DCDC1: variants seen among roughly 807,000 people sequenced by gnomAD.
DCDC1 encodes the protein doublecortin domain-containing protein 1.
A neutral mutation model predicts 178.3 loss-of-function variants in DCDC1; 200 were observed. The observed-to-expected ratio is 1.12, with a 90% CI of 1.00 to 1.26. The LOEUF is 1.26. DCDC1 is among the 50% of genes most tolerant of loss of function. The probability of loss-of-function intolerance (pLI) is 0.00; values close to 1 mark genes in which losing one functional copy is unlikely to be tolerated. For missense variants in DCDC1, 1,983 were observed against 1,749.2 expected, an observed-to-expected ratio of 1.13 and a Z score of -2.38; for synonymous variants, 690 against 604.8, an observed-to-expected ratio of 1.14 and a Z score of -2.07.
intron 21 of DCDC1, among the ~76,000 whole-genome samples, chr11:30,933,461 T>C (rs935589645): frequency 2.0e-5 from 3 of 152,192 alleles, no homozygotes; most frequent in African/African-American, 7.2e-5. Context: ...GTTAATTACA[T>C]TAATTTTTAA....
At chr11:31,219,174 A>T (rs1047017062) in intron 9 of DCDC1, among the ~76,000 whole-genome samples, 11 of 149,132 alleles carry the variant, frequency 7.4e-5, no homozygotes, top group South Asian at 2.1e-4. Flanking sequence ...ATTTACAGTT[A>T]AAAAAAAAAG....
At chr11:31,148,228 A>C (rs896567777) in intron 9 of DCDC1, among the ~76,000 whole-genome samples, 5 of 151,092 alleles carry the variant, frequency 3.3e-5, no homozygotes, top group Admixed American at 1.3e-4. Flanking sequence ...AAAAAAAAAA[A>C]AAAAAACAGG....
intron 20 of DCDC1, among the ~76,000 whole-genome samples, chr11:31,009,955 C>T (rs1342062652): frequency 2.6e-5 from 4 of 152,178 alleles, no homozygotes; most frequent in African/African-American, 9.7e-5. Flanking sequence ...CCATCAGATC[C>T]TGTGAGAACA....
In DCDC1 at chr11:31,300,454, G is replaced by T. The variant is rs928775151; in HGVS notation, c.754+5161C>A. ...ATTTTCAAATGATTTATCTTTATTA[G>T]AAATATCCAATAGGCATTTAAAGTA... On this transcript the variant is annotated intron_variant, in intron 6 of 38. Coordinates refer to ENST00000684477, the MANE Select transcript of DCDC1 (RefSeq NM_001387274.1). Among the ~76,000 whole-genome samples the T allele has an allele frequency of 9.9e-5, 15 of 152,166 alleles. 1 individual carries two copies. The highest frequency in any genetic ancestry group is 7.9e-4 in the Admixed American group (12 of 15,282).
At chr11:31,058,827 T>C (rs1245623893) in intron 20 of DCDC1, among the ~76,000 whole-genome samples, 1 of 152,108 alleles carries the variant, frequency 6.6e-6, no homozygotes, top group Non-Finnish European at 1.5e-5. Context: ...GCTTGCACTC[T>C]GGTCTCATCC....
chr11:30,892,308 A>G (rs1385458768), intron 36 of DCDC1, among the ~76,000 whole-genome samples: 3 of 152,138 alleles, frequency 2.0e-5, no homozygotes, highest in Non-Finnish European at 4.4e-5. Context: ...TAATAAGAAT[A>G]TGATAGGCTT....
chr11:31,156,122 G>C (rs1254318962), intron 9 of DCDC1: 1 of 151,944 alleles, frequency 6.6e-6, no homozygotes, highest in East Asian at 1.9e-4. Context: ...GCAAAAACAA[G>C]GATAAAATAT....
chr11:31,328,810 C>T (rs1157156338), intron 2 of DCDC1, among the ~76,000 whole-genome samples: 1 of 61,580 alleles, frequency 1.6e-5, no homozygotes, highest in Non-Finnish European at 3.9e-5. Context: ...GACTACATCT[C>T]AAAAAAAAAA....
chr11:31,098,663 C>G (rs1343222937), intron 15 of DCDC1, among the ~76,000 whole-genome samples: 1 of 152,174 alleles, frequency 6.6e-6, no homozygotes, highest in African/African-American at 2.4e-5. Context: ...CAGCAAGATT[C>G]TACAATAAAA....
At chr11:31,230,242 T>C (rs1195326140) in intron 9 of DCDC1, among the ~76,000 whole-genome samples, 1 of 151,750 alleles carries the variant, frequency 6.6e-6, no homozygotes, top group Non-Finnish European at 1.5e-5. Flanking sequence ...AAGAAAACAA[T>C]GTAAATATAC....
At chr11:31,274,765 G>T (rs994820658) in intron 7 of DCDC1, among the ~76,000 whole-genome samples, 1 of 149,912 alleles carries the variant, frequency 6.7e-6, no homozygotes, top group African/African-American at 2.5e-5. Flanking sequence ...CAATGGCATG[G>T]TCTCTGCTCA....
At chr11:31,138,376 A>G (rs201399411) in intron 9 of DCDC1, among the ~76,000 whole-genome samples, 3 of 152,338 alleles carry the variant, frequency 2.0e-5, no homozygotes, top group East Asian at 3.9e-4. Context: ...AATGTGGCCC[A>G]TTCTATATTT....
At chr11:31,213,100 C>CCTCTCTCTTTCTCTCTCTCTCCT (rs1565441644) in intron 9 of DCDC1, among the ~76,000 whole-genome samples, 4 of 44,274 alleles carry the variant, frequency 9.0e-5, no homozygotes, top group Admixed American at 5.3e-4. Flanking sequence ...TAAAGCCCAG[C>CCTCTCTCTTTCTCTCTCTCTCCT]CTCTCTCTCT....
At position 31,140,420 on chromosome 11, in the gene DCDC1, G is replaced by A. The variant is rs188314574; in HGVS notation, c.1222-2636C>T. 2.5e-3 allele frequency among the ~76,000 whole-genome samples: 381 copies of A among 152,264 alleles called. 4 individuals are homozygous for A. Among genetic ancestry groups the A allele is most frequent in the African/African-American group, 8.7e-3 (363 of 41,540 alleles). ...ATCTTGTCCCTTTTAAATATAAGAA[G>A]GCATCTTCAAATAGTCATTGTGCAC... On this transcript the variant is annotated intron_variant, in intron 9 of 38. Transcript: ENST00000684477.
intron 7 of DCDC1, 26 bp from the exon 8 acceptor site, chr11:31,265,626 TA>T: frequency 8.4e-7 from 1 of 1,186,058 alleles, no homozygotes; most frequent in Non-Finnish European, 1.1e-6. Flanking sequence ...AAATTATAAA[TA>T]ATTTAGTAAA....
intron 8 of DCDC1, among the ~76,000 whole-genome samples, chr11:31,243,408 T>C (rs944644105): frequency 4.0e-5 from 6 of 151,740 alleles, no homozygotes; most frequent in African/African-American, 1.4e-4. Context: ...TAAATAGATA[T>C]TAAGTTGAAA....
chr11:31,045,214 A>G (rs961167848), intron 20 of DCDC1, among the ~76,000 whole-genome samples: 1 of 152,110 alleles, frequency 6.6e-6, no homozygotes, highest in Non-Finnish European at 1.5e-5. Flanking sequence ...ACCTTTTCCT[A>G]CATGTACTTC....
intron 1 of DCDC1, among the ~76,000 whole-genome samples, chr11:31,358,091 A>G (rs572053634): frequency 6.6e-6 from 1 of 150,586 alleles, no homozygotes; most frequent in Non-Finnish European, 1.5e-5. Flanking sequence ...AAACTACTTT[A>G]AAGTTCATAT....
At chr11:30,954,759 T>C (rs528080709) in intron 20 of DCDC1, among the ~76,000 whole-genome samples, 43 of 152,338 alleles carry the variant, frequency 2.8e-4, no homozygotes, top group Admixed American at 1.2e-3. Context: ...GTGCACATGA[T>C]GGTCATCTGA....
Sources: gnomAD v4.1 joint callset for allele counts (sites outside exome capture counted in the v4.1 genomes callset) on GRCh38, gnomAD v4.1.1 for gene constraint, MANE v1.5 for transcripts, NCBI Gene and HGNC (gene_info 2026-07-23, HGNC 2026-07-21) for gene names.